Variants in RBFOX1 observed in about 807,000 individuals in gnomAD.
RBFOX1 encodes the protein RNA binding fox-1 homolog 1.
In RBFOX1, 8 loss-of-function variants were observed where a neutral mutation model predicts 57.7. That is an observed-to-expected ratio of 0.14 (90% CI 0.08 to 0.25). The LOEUF is 0.25. Among genes scored for constraint, RBFOX1 ranks in the 10% least tolerant of loss-of-function variants. The pLI is 1.00. For missense variants in RBFOX1, 611 were observed against 548.5 expected (o/e 1.11, Z -1.14); for synonymous variants, 326 against 222.4 (o/e 1.47, Z -4.15).
chr16:7,011,480 TGTTTGTTTGTTTTTGTTGTGC>T (rs1249197844), intron 3 of RBFOX1, among the ~76,000 whole-genome samples: 1 of 151,898 alleles, frequency 6.6e-6, no homozygotes, highest in African/African-American at 2.4e-5. Context: ...TTGTTGTGTG[TGTTTGTTTGTTTTTGTTGTGC>T]GTTTGTTTTG....
chr16:7,483,746 A>G (rs11645493), intron 4 of RBFOX1, among the ~76,000 whole-genome samples: 46,576 of 152,158 alleles, frequency 0.31, 8,540 homozygotes, highest in African/African-American at 0.51. Context: ...CTGGGGCTGT[A>G]TGGCTTTGCA....
chr16:5,536,369 G>C (rs2151047934), intron 2 of RBFOX1, among the ~76,000 whole-genome samples: 1 of 151,574 alleles, frequency 6.6e-6, no homozygotes, highest in Middle Eastern at 3.4e-3. Flanking sequence ...TGAGTAGCTG[G>C]GATTACAGGT....
intron 11 of RBFOX1, among the ~76,000 whole-genome samples, chr16:7,649,573 A>G (rs1458919846): frequency 6.6e-6 from 1 of 152,026 alleles, no homozygotes. Flanking sequence ...TTATCTGCAA[A>G]TTCTGAGCAG....
chr16:6,331,529 T>TTCTC (rs917868240), intron 2 of RBFOX1, among the ~76,000 whole-genome samples: 1 of 150,208 alleles, frequency 6.7e-6, no homozygotes, highest in African/African-American at 2.5e-5. Context: ...CATTTTCTGT[T>TTCTC]TCTCTCTCTC....
At chr16:6,542,434 T>G (rs1374853500) in intron 2 of RBFOX1, among the ~76,000 whole-genome samples, 1 of 147,620 alleles carries the variant, frequency 6.8e-6, no homozygotes, top group Non-Finnish European at 1.5e-5. Context: ...CTAAGAAAGG[T>G]GTCTCAGTGG....
intron 3 of RBFOX1, among the ~76,000 whole-genome samples, chr16:5,783,582 A>G (rs1013873092): frequency 2.0e-5 from 3 of 152,170 alleles, no homozygotes; most frequent in Non-Finnish European, 4.4e-5. Context: ...TGACCCATTC[A>G]TGCTCATATT....
At chr16:6,072,660 T>A (rs1325359008) in intron 1 of RBFOX1, among the ~76,000 whole-genome samples, 1 of 152,074 alleles carries the variant, frequency 6.6e-6, no homozygotes, top group Non-Finnish European at 1.5e-5. Context: ...ATAGGCATTG[T>A]AACAGGTATG....
chr16:7,607,886 A>G (rs1260705735), intron 10 of RBFOX1, among the ~76,000 whole-genome samples: 1 of 152,152 alleles, frequency 6.6e-6, no homozygotes, highest in East Asian at 1.9e-4. Flanking sequence ...TGCCTTCCAG[A>G]ATATGTCTCT....
intron 2 of RBFOX1, among the ~76,000 whole-genome samples, chr16:6,509,297 C>T (rs1008427190): frequency 6.6e-6 from 1 of 152,088 alleles, no homozygotes; most frequent in Non-Finnish European, 1.5e-5. Flanking sequence ...AATCCCTTGT[C>T]AGATAAATTG....
In RBFOX1 at chr16:6,023,844, C is replaced by T. The variant is rs1315799452; in HGVS notation, c.-127+3852C>T. On this transcript the variant is annotated intron_variant, in intron 1 of 15. Coordinates refer to ENST00000550418, the MANE Select transcript of RBFOX1 (RefSeq NM_018723.4). Reference sequence around the variant, plus strand: ...TTTTTAAAGAAGCCACGAGGCTCTTCCCAATGTCTACCTCCATTATTTAAA... The same window carrying T: ...TTTTTAAAGAAGCCACGAGGCTCTTTCCAATGTCTACCTCCATTATTTAAA... Among the ~76,000 whole-genome samples, 6 of 152,318 alleles carry T rather than the reference C, an allele frequency of 3.9e-5. No homozygotes were observed. The East Asian group carries it at 9.6e-4, about 24-fold the overall frequency.
intron 11 of RBFOX1, among the ~76,000 whole-genome samples, chr16:7,650,027 A>AGAGGGAGGGAAGGACAG (rs570205077): frequency 0.039 from 2,325 of 58,940 alleles, 63 homozygotes; most frequent in African/African-American, 0.11. Flanking sequence ...AAAGGAAGAA[A>AGAGGGAGGGAAGGACAG]GAGGGAGGGA....
intron 2 of RBFOX1, among the ~76,000 whole-genome samples, chr16:6,579,584 A>G (rs1315734215): frequency 6.6e-6 from 1 of 152,124 alleles, no homozygotes; most frequent in Non-Finnish European, 1.5e-5. Context: ...TGCTGCTGCC[A>G]TGTGAAGAAA....
At chr16:6,290,460 A>G (rs1471901331) in intron 1 of RBFOX1, among the ~76,000 whole-genome samples, 2 of 152,094 alleles carry the variant, frequency 1.3e-5, no homozygotes, top group Non-Finnish European at 2.9e-5. Flanking sequence ...ATTTTGCTGC[A>G]TTACCTGAAA....
intron 13 of RBFOX1, among the ~76,000 whole-genome samples, chr16:7,665,339 C>T (rs575517901): frequency 6.6e-6 from 1 of 152,332 alleles, no homozygotes; most frequent in South Asian, 2.1e-4. Context: ...TAGTCACCAG[C>T]TGCAGAGGGT....
At chr16:5,875,633 G>T (rs373841543) in intron 4 of RBFOX1, among the ~76,000 whole-genome samples, 1 of 152,102 alleles carries the variant, frequency 6.6e-6, no homozygotes, top group Non-Finnish European at 1.5e-5. Context: ...AGCTACAATA[G>T]GAAATAGCAG....
At chr16:6,066,320 A>AAAAAAAAAT (rs1555494616) in intron 1 of RBFOX1, among the ~76,000 whole-genome samples, 1 of 131,668 alleles carries the variant, frequency 7.6e-6, no homozygotes. Flanking sequence ...AAAAAAAAAA[A>AAAAAAAAAT]GGCATAATTC....
intron 4 of RBFOX1, among the ~76,000 whole-genome samples, chr16:7,445,382 A>G (rs762029612): frequency 2.0e-5 from 3 of 152,122 alleles, no homozygotes; most frequent in Non-Finnish European, 4.4e-5. Context: ...CAGTACCCTT[A>G]TGCACCAGCT....
At chr16:6,069,534 ATTAATTTTGGCATTCT>A (rs1187389057) in intron 1 of RBFOX1, among the ~76,000 whole-genome samples, 2 of 151,904 alleles carry the variant, frequency 1.3e-5, no homozygotes, top group African/African-American at 4.9e-5. Flanking sequence ...GATAAACAAG[ATTAATTTTGGCATTCT>A]TTATTCAAAA....
chr16:5,912,568 T>G lies in RBFOX1; in HGVS notation c.351+45233T>G, dbSNP rs187690602. On this transcript the variant is annotated intron_variant, in intron 4 of 19. Transcript: ENST00000641259. ...TATGCCAAAGTCATTTTCCTACTCA[T>G]GACCTCTTGTTTTTACACAAGAACT... 1.5e-3 allele frequency among the ~76,000 whole-genome samples: 236 copies of G among 152,346 alleles called. 2 individuals are homozygous for G. The highest frequency in any genetic ancestry group is 5.3e-3 in the African/African-American group (221 of 41,578).
Sources: gnomAD v4.1 joint callset for allele counts (sites outside exome capture counted in the v4.1 genomes callset) on GRCh38, gnomAD v4.1.1 for gene constraint, MANE v1.5 for transcripts, NCBI Gene and HGNC (gene_info 2026-07-23, HGNC 2026-07-21) for gene names.